Variants in MCF2L observed in about 807,000 individuals in gnomAD.
MCF2L encodes guanine nucleotide exchange factor DBS.
Under a neutral mutation model 153.4 loss-of-function variants are expected in MCF2L, and 97 were observed. The observed-to-expected ratio is 0.63, with a 90% CI of 0.54 to 0.75. The LOEUF (loss-of-function observed/expected upper bound fraction) is 0.75, where lower values mean the gene tolerates loss of function less well. Ranked by LOEUF, MCF2L falls within the 30% of genes least tolerant of loss-of-function variation. The pLI, the probability that MCF2L is intolerant of heterozygous loss-of-function variation, is 0.00. For synonymous variants in MCF2L, 659 were observed against 632.2 expected, an observed-to-expected ratio of 1.04 and a Z score of -0.64; for missense variants, 1,347 against 1,495.2, an observed-to-expected ratio of 0.90 and a Z score of 1.64.
chr13:112,926,479 C>T (rs954136328), intron 2 of MCF2L, among the ~76,000 whole-genome samples: 8 of 152,068 alleles, frequency 5.3e-5, no homozygotes, highest in South Asian at 4.2e-4. Context: ...ATATACACAG[C>T]GGAGTGCTGC....
At chr13:113,025,708 G>A (rs1442836139) in intron 3 of MCF2L, among the ~76,000 whole-genome samples, 4 of 127,248 alleles carry the variant, frequency 3.1e-5, no homozygotes, top group East Asian at 3.0e-4. Flanking sequence ...CCGTGACTGT[G>A]GGTCGGGGCA....
Position 113,070,468 on chromosome 13 carries a change from T to A in MCF2L, c.996+295T>A, listed in dbSNP as rs1201621578. 4.4e-6 allele frequency: 1 copy of A among 225,220 alleles called. No individual in the cohort carries two copies. The highest frequency in any genetic ancestry group is 1.4e-4 in the East Asian group (1 of 7,382). 14.0% of individuals were successfully genotyped at this position (225,220 alleles called of 1,614,324 possible). ...GGAAGCCTTTGCTCTCCCTTCATAGTCATTTGCATGCCCTTTTATTCAACA... is the reference window on the plus strand; with the variant it reads ...GGAAGCCTTTGCTCTCCCTTCATAGACATTTGCATGCCCTTTTATTCAACA... On this transcript the variant is annotated intron_variant, in intron 9 of 29. Coordinates refer to ENST00000535094, the MANE Select transcript of MCF2L (RefSeq NM_001112732.3). The surrounding 1 kb of genome is among the most constrained non-coding windows in gnomAD (Gnocchi z 5.6).
chr13:113,077,110 G>A lies in MCF2L; in HGVS notation c.1559G>A (p.Arg520Lys). Reference protein sequence around the residue: ...QASMEEVFHRRQASLKKLAAR... With the variant: ...QASMEEVFHRKQASLKKLAAR... ...AGCATGGAGGAGGTGTTCCACCGCA[G>A]GCAGGCCAGCCTGAAGAAGCTGGCG... is the stretch of plus-strand genomic sequence containing the variant. The change falls in exon 13 of 30, where the codon AGG becomes AAG. Residue 520 changes from arginine (R) to lysine (K), a missense_variant. Arg to Lys is a conservative substitution (Grantham distance 26). This residue lies in a region of MCF2L where 820 missense variants were observed against 921.2 expected (regional missense o/e 0.89). Transcript: ENST00000535094. 6.2e-7 allele frequency: 1 copy of A among 1,612,878 alleles called. No individual in the cohort carries two copies. Among genetic ancestry groups the A allele is most frequent in the Non-Finnish European group, 8.5e-7 (1 of 1,179,852 alleles).
In MCF2L at chr13:113,046,412, CCCCAGTGAAGTCAGATTCT is replaced by C. The variant is rs558238947; in HGVS notation, c.369+1073_369+1091del. 4.8e-3 allele frequency: 2,115 copies of C among 445,244 alleles called. 46 individuals carry two copies. The highest frequency in any genetic ancestry group is 0.04 in the African/African-American group (1,942 of 48,994). 27.6% of individuals were successfully genotyped at this position (445,244 alleles called of 1,614,324 possible). On this transcript the variant is annotated intron_variant, in intron 4 of 29. Transcript: ENST00000535094. This position sits in a 1 kb window ranked among gnomAD's most constrained non-coding sequence, Gnocchi z 4.4. ...GCTCCAAGCATTCCCCAGCACCAAA[CCCCAGTGAAGTCAGATTCT>C]CCCAGTGAAGTCAGATTCTCCTGGC...
Position 112,894,947 on chromosome 13 carries a change from T to G in MCF2L, c.-5+516T>G, listed in dbSNP as rs4994211. 4.7e-3 allele frequency among the ~76,000 whole-genome samples: 478 copies of G among 101,466 alleles called. 1 individual carries two copies. The highest frequency in any genetic ancestry group is 9.8e-3 in the Admixed American group (105 of 10,690). The allele number at this position is 101,466 out of a possible 152,430, so 66.6% of individuals were successfully genotyped here. ...GCCCACACCTGGTGGCTGGGGACAG[T>G]GCTGGAGGGGAGGGTAGCCTGGGGT... On this transcript the variant is annotated intron_variant, in intron 1 of 29. Transcript: ENST00000375608.
intron 4 of MCF2L, 138 bp from the exon 5 acceptor site, chr13:113,060,455 C>A: frequency 1.1e-6 from 1 of 932,400 alleles, no homozygotes; most frequent in Non-Finnish European, 1.6e-6. Context: ...ATGTTTATCT[C>A]AGCATAAACC....
In MCF2L at chr13:113,064,843, T is replaced by C; in HGVS notation, c.607-93T>C. The C allele has an allele frequency of 8.4e-6, 12 of 1,433,352 alleles. No homozygotes were observed. The highest frequency in any genetic ancestry group is 1.1e-5 in the Non-Finnish European group (12 of 1,048,806). 88.8% of individuals were successfully genotyped at this position (1,433,352 alleles called of 1,614,324 possible). A position where few individuals can be genotyped will look rare whatever the true frequency, so the allele number is the denominator to read the frequency against. On this transcript the variant is annotated intron_variant, in intron 6 of 29. Coordinates refer to ENST00000535094, the MANE Select transcript of MCF2L (RefSeq NM_001112732.3). This position sits in a 1 kb window ranked among gnomAD's most constrained non-coding sequence, Gnocchi z 6.0. ...CAGCCGGTCTCACCTGATGGGTCTG[T>C]GTGGGAACGGTTTCCGCCGGTGTCT...
intron 1 of MCF2L, among the ~76,000 whole-genome samples, chr13:113,013,575 C>T (rs2084312406): frequency 6.6e-6 from 1 of 152,346 alleles, no homozygotes; most frequent in Admixed American, 6.5e-5. Context: ...TAGATATTAT[C>T]TGGCAGCCTC....
intron 2 of MCF2L, among the ~76,000 whole-genome samples, chr13:112,919,350 C>T (rs1307954910): frequency 4.5e-4 from 68 of 150,106 alleles, no homozygotes; most frequent in Admixed American, 2.0e-3. Flanking sequence ...GGACTACAGG[C>T]GCCCGCCACT....
At chr13:112,922,651 G>C (rs953039777) in intron 2 of MCF2L, among the ~76,000 whole-genome samples, 1 of 152,160 alleles carries the variant, frequency 6.6e-6, no homozygotes, top group African/African-American at 2.4e-5. Flanking sequence ...TGGGCTAAAC[G>C]GTGAAACCCT....
intron 1 of MCF2L, among the ~76,000 whole-genome samples, chr13:112,898,056 C>G (rs754495052): frequency 6.7e-4 from 102 of 152,364 alleles, no homozygotes; most frequent in Middle Eastern, 3.4e-3. Context: ...CCAGCTCCCC[C>G]TGTCCTAGGG....
chr13:112,938,207 C>T (rs1191184239), intron 2 of MCF2L, among the ~76,000 whole-genome samples: 1 of 119,568 alleles, frequency 8.4e-6, no homozygotes, highest in Non-Finnish European at 1.7e-5. Flanking sequence ...TTCAGGTGAG[C>T]GCTGAGGGGT....
intron 2 of MCF2L, chr13:112,958,106 T>C (rs2081780507): frequency 6.6e-6 from 1 of 152,274 alleles, no homozygotes; most frequent in Non-Finnish European, 1.5e-5. Context: ...GGTGTTTCTC[T>C]TTCCCTGATG....
chr13:113,069,901 G>A (rs534931853), intron 8 of MCF2L, among the ~76,000 whole-genome samples, 158 bp from the exon 9 acceptor site: 1 of 152,158 alleles, frequency 6.6e-6, no homozygotes, highest in Non-Finnish European at 1.5e-5. Flanking sequence ...GCCCGCGCCC[G>A]CAGATCCCAG....
intron 5 of MCF2L, 31 bp downstream of exon 5, chr13:113,060,743 G>A (rs2031257839): frequency 1.9e-6 from 3 of 1,609,034 alleles, no homozygotes; most frequent in Admixed American, 3.3e-5. Flanking sequence ...TCCTGCGGTA[G>A]CAGAACGGAA....
intron 2 of MCF2L, 74 bp downstream of exon 2, chr13:113,014,920 G>T (rs2084410634): frequency 2.2e-6 from 3 of 1,391,938 alleles, no homozygotes; most frequent in African/African-American, 1.4e-5. Flanking sequence ...AGCCCCCGTG[G>T]CCTGGCCCAG....
chr13:113,076,303 C>A (rs1354350213), intron 12 of MCF2L, 146 bp downstream of exon 12: 11 of 591,438 alleles, frequency 1.9e-5, no homozygotes, highest in Non-Finnish European at 2.8e-5. Flanking sequence ...TCGCTCTTGT[C>A]GCCCAGGCTG....
intron 21 of MCF2L, 23 bp downstream of exon 21, chr13:113,086,272 C>T (rs2034627785): frequency 1.2e-6 from 2 of 1,606,710 alleles, no homozygotes; most frequent in Non-Finnish European, 8.5e-7. Context: ...GATGCCCGGT[C>T]TTCCCCGCCG....
chr13:113,014,250 G>T (rs1201855471), intron 1 of MCF2L, among the ~76,000 whole-genome samples: 1 of 152,216 alleles, frequency 6.6e-6, no homozygotes, highest in African/African-American at 2.4e-5. Flanking sequence ...CTAATGGCGA[G>T]GCCAGGGTTG....
Sources: gnomAD v4.1 joint callset for allele counts (sites outside exome capture counted in the v4.1 genomes callset) on GRCh38, gnomAD v4.1.1 for gene constraint, gnomAD v4.1.1 regional missense constraint, Gnocchi (gnomAD v3.1) non-coding constraint, MANE v1.5 for transcripts, NCBI Gene and HGNC (gene_info 2026-07-23, HGNC 2026-07-21) for gene names.